The following EFCAB6 variants were observed in gnomAD, a reference collection of about 807,000 sequenced individuals.
EFCAB6 encodes the protein EF-hand calcium binding domain 6, also known as EF-hand calcium-binding domain-containing protein 6.
In EFCAB6, 156 loss-of-function variants were observed where a neutral mutation model predicts 169.8. The ratio of observed to expected loss-of-function variants is 0.92; its 90% CI spans 0.81 to 1.05. EFCAB6 has a LOEUF of 1.05. Among genes scored for constraint, EFCAB6 ranks in the 50% least tolerant of loss-of-function variants. The probability of loss-of-function intolerance (pLI) is 0.00; values close to 1 mark genes in which losing one functional copy is unlikely to be tolerated. For synonymous variants in EFCAB6, 698 were observed against 676.4 expected, an observed-to-expected ratio of 1.03 and a Z score of -0.50; for missense variants, 1,800 against 1,829.1, an observed-to-expected ratio of 0.98 and a Z score of 0.29.
intron 10 of EFCAB6, among the ~76,000 whole-genome samples, chr22:43,698,826 G>A (rs1327517194): frequency 6.6e-6 from 1 of 152,080 alleles, no homozygotes; most frequent in Non-Finnish European, 1.5e-5. Context: ...GTGGAGGAAG[G>A]GCATTTACAA....
At chr22:43,683,270 G>T (rs189661157) in intron 12 of EFCAB6, among the ~76,000 whole-genome samples, 69 of 152,282 alleles carry the variant, frequency 4.5e-4, no homozygotes, top group Admixed American at 4.3e-3. Flanking sequence ...GAAAAAGCAG[G>T]TTGCAAATTC....
In EFCAB6 at chr22:43,747,405, C is replaced by G. The variant is rs995090769; in HGVS notation, c.507+8361G>C. Among the ~76,000 whole-genome samples the G allele has an allele frequency of 2.0e-5, 3 of 152,124 alleles. No homozygotes were observed. In the South Asian group the frequency reaches 6.2e-4, roughly 32 times the overall value. ...GGAACAGCACTGGAGAAGCTGGGGC[C>G]GGCTCTGGGGGACCAAATCTGCAGG... On this transcript the variant is annotated intron_variant, in intron 6 of 31. Coordinates refer to ENST00000262726, the MANE Select transcript of EFCAB6 (RefSeq NM_022785.4).
chr22:43,573,444 A>G (rs2050023220), intron 26 of EFCAB6, among the ~76,000 whole-genome samples: 1 of 125,988 alleles, frequency 7.9e-6, no homozygotes, highest in Non-Finnish European at 1.6e-5. Flanking sequence ...TTCATATAAT[A>G]AAAAGGGGCT....
intron 27 of EFCAB6, among the ~76,000 whole-genome samples, chr22:43,542,921 G>A (rs556560214): frequency 1.8e-4 from 27 of 152,320 alleles, no homozygotes; most frequent in South Asian, 6.2e-4. Context: ...CCACATCAGC[G>A]TGGTGAGGTC....
chr22:43,684,413 A>G (rs2058112919), intron 11 of EFCAB6, among the ~76,000 whole-genome samples: 1 of 152,076 alleles, frequency 6.6e-6, no homozygotes, highest in Admixed American at 6.5e-5. Flanking sequence ...TGTGCTCCTG[A>G]AGGCCAGGAC....
At chr22:43,810,699 T>G (rs779456240) in intron 1 of EFCAB6, among the ~76,000 whole-genome samples, 3 of 152,118 alleles carry the variant, frequency 2.0e-5, no homozygotes, top group Non-Finnish European at 4.4e-5. Flanking sequence ...AGAGCGAAAT[T>G]TACAGTCTCA....
intron 2 of EFCAB6, among the ~76,000 whole-genome samples, chr22:43,800,395 TA>T (rs1309368105): frequency 1.3e-5 from 2 of 152,172 alleles, no homozygotes; most frequent in Admixed American, 1.3e-4. Flanking sequence ...CTGGAATAGA[TA>T]ACTTCGATGC....
rs763481799 is a variant in EFCAB6 at position 43,599,948 on chromosome 22, A to G, written c.2876+121T>C. On this transcript the variant is annotated intron_variant, in intron 23 of 31. Transcript: ENST00000262726. ...CTAGAATCGACAACTGTGAACAAGC[A>G]CGATCATTTCCCTGTAACTTTGCCA... 5 of 1,123,968 alleles carry G rather than the reference A, an allele frequency of 4.4e-6. No individual in the cohort carries two copies. The Admixed American group carries it at 6.8e-5, about 15-fold the overall frequency. 69.6% of individuals were successfully genotyped at this position (1,123,968 alleles called of 1,614,324 possible). A position where few individuals can be genotyped will look rare whatever the true frequency, so the allele number is the denominator to read the frequency against.
At chr22:43,564,513 T>C (rs978803568) in intron 26 of EFCAB6, among the ~76,000 whole-genome samples, 17 of 151,042 alleles carry the variant, frequency 1.1e-4, no homozygotes, top group Admixed American at 4.6e-4. Context: ...AAAGGCAAAT[T>C]AACTTTTGTC....
intron 10 of EFCAB6, among the ~76,000 whole-genome samples, chr22:43,708,513 T>C (rs1239207793): frequency 6.6e-6 from 1 of 151,866 alleles, no homozygotes; most frequent in Non-Finnish European, 1.5e-5. Context: ...TCCAAACATA[T>C]TAATCACAAT....
chr22:43,690,447 C>T (rs1415543745), intron 10 of EFCAB6, among the ~76,000 whole-genome samples: 13 of 149,750 alleles, frequency 8.7e-5, no homozygotes, highest in South Asian at 2.1e-4. Flanking sequence ...ACCCAGGAGG[C>T]GGAGCCTGCA....
intron 7 of EFCAB6, among the ~76,000 whole-genome samples, chr22:43,732,486 T>TA (rs398037284): frequency 1.3e-5 from 2 of 150,724 alleles, no homozygotes; most frequent in East Asian, 1.9e-4. Context: ...TTTTTTTTTT[T>TA]AGGCAGAATC....
intron 4 of EFCAB6, among the ~76,000 whole-genome samples, chr22:43,767,461 G>A (rs1270314056): frequency 6.6e-6 from 1 of 152,214 alleles, no homozygotes; most frequent in African/African-American, 2.4e-5. Context: ...AAGGTTGGGT[G>A]CCCTCCTGGT....
At chr22:43,751,356 C>T (rs780647943) in intron 6 of EFCAB6, among the ~76,000 whole-genome samples, 2 of 152,182 alleles carry the variant, frequency 1.3e-5, no homozygotes, top group Non-Finnish European at 2.9e-5. Context: ...CTGTCTTAGC[C>T]ACTCCTATCT....
chr22:43,653,856 C>A lies in EFCAB6; in HGVS notation c.1983+13248G>T, dbSNP rs1185083131. On this transcript the variant is annotated intron_variant, in intron 17 of 31. Coordinates refer to ENST00000262726, the MANE Select transcript of EFCAB6 (RefSeq NM_022785.4). ...CCCATCAGGTTCTCAAGGTGAATAT[C>A]CCCTAAAAATCCCCTTGGGTTTCAA... 2.0e-5 allele frequency among the ~76,000 whole-genome samples: 3 copies of A among 151,978 alleles called. No homozygotes were observed. The South Asian group carries it at 6.2e-4, about 32-fold the overall frequency.
chr22:43,680,669 T>C (rs574351812), intron 12 of EFCAB6, among the ~76,000 whole-genome samples: 6 of 152,348 alleles, frequency 3.9e-5, no homozygotes, highest in Non-Finnish European at 7.4e-5. Context: ...GCACTTCTTT[T>C]GATAAATTTA....
At chr22:43,667,556 C>T (rs886578354) in intron 16 of EFCAB6, among the ~76,000 whole-genome samples, 6 of 151,992 alleles carry the variant, frequency 3.9e-5, no homozygotes, top group Admixed American at 1.3e-4. Flanking sequence ...TTATGGTCCT[C>T]GAGATTTTCA....
In EFCAB6 at chr22:43,784,560, CAT is replaced by C. The variant is rs1215826664; in HGVS notation, c.-7-2237_-7-2236del. 6.9e-4 allele frequency among the ~76,000 whole-genome samples: 57 copies of C among 82,302 alleles called. 4 individuals carry two copies. The highest frequency in any genetic ancestry group is 2.2e-3 in the South Asian group (5 of 2,254). The allele number at this position is 82,302 out of a possible 152,430, so 54.0% of individuals were successfully genotyped here. A position where few individuals can be genotyped will look rare whatever the true frequency, so the allele number is the denominator to read the frequency against. On this transcript the variant is annotated intron_variant, in intron 2 of 31. Coordinates refer to ENST00000262726, the MANE Select transcript of EFCAB6 (RefSeq NM_022785.4). ...GTGTGTGTGTATATGTATATATACA[CAT>C]ATATATGTGTACATATACACATATA...
At chr22:43,637,355 G>C (rs2055485273) in intron 17 of EFCAB6, among the ~76,000 whole-genome samples, 1 of 152,216 alleles carries the variant, frequency 6.6e-6, no homozygotes, top group African/African-American at 2.4e-5. Flanking sequence ...CCTTTGTTTT[G>C]GTGTCATCCT....
Sources: allele counts gnomAD v4.1 joint callset (sites outside exome capture counted in the v4.1 genomes callset), GRCh38; gene constraint gnomAD v4.1.1; transcripts MANE v1.5; gene names NCBI Gene and HGNC (gene_info 2026-07-23, HGNC 2026-07-21).